The following ZDHHC3 variants were observed in gnomAD, a reference collection of about 807,000 sequenced individuals.
The protein encoded by ZDHHC3 is palmitoyltransferase ZDHHC3.
Under a neutral mutation model 30.6 loss-of-function variants are expected in ZDHHC3, and 9 were observed. That is an observed-to-expected ratio of 0.29 (90% CI 0.18 to 0.51). The LOEUF (loss-of-function observed/expected upper bound fraction) is 0.51. ZDHHC3 is among the 20% of genes least tolerant of loss of function. The probability of loss-of-function intolerance (pLI) is 0.97; values close to 1 mark genes in which losing one functional copy is unlikely to be tolerated. For missense variants in ZDHHC3, 246 were observed against 384.2 expected (o/e 0.64, Z 3.01); for synonymous variants, 136 against 140.2 (o/e 0.97, Z 0.21).
At chr3:44,963,689 G>C (rs1288401308) in intron 1 of ZDHHC3, among the ~76,000 whole-genome samples, 1 of 152,144 alleles carries the variant, frequency 6.6e-6, no homozygotes, top group Admixed American at 6.5e-5. Flanking sequence ...TTACTTCCAA[G>C]GAGCTGGGCA....
At position 44,933,881 on chromosome 3, in the gene ZDHHC3, G is replaced by T; in HGVS notation, c.528+7C>A. 1 of 1,613,948 alleles carries T rather than the reference G, an allele frequency of 6.2e-7. No individual in the cohort carries two copies. The highest frequency in any genetic ancestry group is 1.1e-5 in the South Asian group (1 of 91,068). On this transcript the variant is annotated splice_region_variant and intron_variant, in intron 4 of 6. Coordinates refer to ENST00000424952, the MANE Select transcript of ZDHHC3 (RefSeq NM_001135179.2). ...GGGGGCAGGGCAGAATTTGCAAGCT[G>T]ACTTACTGTAAACAGGACGAAGTAC...
At position 44,918,909 on chromosome 3, in the gene ZDHHC3, C is replaced by T. The variant is rs1700399910; in HGVS notation, c.*7780G>A. The T allele has an allele frequency of 5.1e-6, 5 of 985,620 alleles. No individual in the cohort carries two copies. In the African/African-American group the frequency reaches 7.0e-5, roughly 14 times the overall value. The allele number at this position is 985,620 out of a possible 1,614,324, so 61.1% of individuals were successfully genotyped here. The stretch of plus-strand genomic sequence containing the variant: ...GGCCAGCTCTCCAGGCCCACAACAC[C>T]CTGCACAGAGGCCTTTGACCCTCCA... On this transcript the variant is annotated 3_prime_UTR_variant, in exon 7 of 7. Transcript: ENST00000424952.
intron 2 of ZDHHC3, 176 bp from the exon 3 acceptor site, chr3:44,945,468 A>G (rs1267254963): frequency 4.3e-6 from 4 of 924,582 alleles, no homozygotes; most frequent in East Asian, 2.7e-5. Context: ...AGGAATATTT[A>G]TTGACCAAAA....
In ZDHHC3 at chr3:44,926,779, G is replaced by C. The variant is rs771474124; in HGVS notation, c.810C>G (p.Ala270=). ...AKKTKWMNMK[A]VFGHPFSLGW... ...CTAGAGAGAAGGGGTGGCCAAAAAC[G>C]GCTTTCATGTTCATCCATTTTGTTT... The change falls in exon 7 of 7, where the codon GCC becomes GCG. Residue 270 remains alanine, a synonymous_variant. Transcript: ENST00000424952. The C allele has an allele frequency of 1.2e-6, 2 of 1,613,778 alleles. No homozygotes were observed. Among genetic ancestry groups the C allele is most frequent in the East Asian group, 2.2e-5 (1 of 44,842 alleles).
Position 44,924,235 on chromosome 3 carries a change from A to C in ZDHHC3, c.*2454T>G. The stretch of plus-strand genomic sequence containing the variant: ...CATCCGGAAATACTGAGGAGAGCTC[A>C]GGGATGCTTTCCCTTCCTGTCCTGT... On this transcript the variant is annotated 3_prime_UTR_variant, in exon 7 of 7. Coordinates refer to ENST00000424952, the MANE Select transcript of ZDHHC3 (RefSeq NM_001135179.2). 1.0e-6 allele frequency: 1 copy of C among 985,486 alleles called. No homozygotes were observed. Among genetic ancestry groups the C allele is most frequent in the Non-Finnish European group, 1.2e-6 (1 of 829,938 alleles). 61.0% of individuals were successfully genotyped at this position (985,486 alleles called of 1,614,324 possible). A position where few individuals can be genotyped will look rare whatever the true frequency, so the allele number is the denominator to read the frequency against.
At chr3:44,962,650 T>C (rs1406112909) in intron 1 of ZDHHC3, among the ~76,000 whole-genome samples, 15 of 152,034 alleles carry the variant, frequency 9.9e-5, no homozygotes, top group Admixed American at 9.2e-4. Context: ...CCTACTGGAG[T>C]GTGTTAGGTA....
At chr3:44,957,869 G>C (rs567189198) in intron 2 of ZDHHC3, among the ~76,000 whole-genome samples, 1 of 152,300 alleles carries the variant, frequency 6.6e-6, no homozygotes, top group Non-Finnish European at 1.5e-5. Context: ...GGGCTTAGTA[G>C]ACAGTAAACT....
Position 44,917,257 on chromosome 3 carries a change from T to C in ZDHHC3, c.*9432A>G. 1 of 153,272 alleles carries C rather than the reference T, an allele frequency of 6.5e-6. No individual in the cohort carries two copies. The highest frequency in any genetic ancestry group is 2.0e-4 in the South Asian group (1 of 4,906). 9.5% of individuals were successfully genotyped at this position (153,272 alleles called of 1,614,324 possible). A position where few individuals can be genotyped will look rare whatever the true frequency, so the allele number is the denominator to read the frequency against. On this transcript the variant is annotated 3_prime_UTR_variant, in exon 7 of 7. Coordinates refer to ENST00000424952, the MANE Select transcript of ZDHHC3 (RefSeq NM_001135179.2). ...GTCCTGCACATGTGTGTGTAGAGCT[T>C]AATGCAGGGTCCTCTTTGAACCATG...
rs79041492 is a variant in ZDHHC3 at position 44,926,636 on chromosome 3, G to A, written c.*53C>T. On this transcript the variant is annotated 3_prime_UTR_variant, in exon 7 of 7. Coordinates refer to ENST00000424952, the MANE Select transcript of ZDHHC3 (RefSeq NM_001135179.2). The stretch of plus-strand genomic sequence containing the variant: ...AAACATTCATGAGAACGGATGGGAC[G>A]GTAGTGCTGTGGTGTGGACTTGTGT... The A allele has an allele frequency of 1.7e-3, 2,565 of 1,486,836 alleles. 33 individuals are homozygous for A. The African/African-American group carries it at 0.03, about 17-fold the overall frequency. The allele number at this position is 1,486,836 out of a possible 1,614,324, so 92.1% of individuals were successfully genotyped here. A position where few individuals can be genotyped will look rare whatever the true frequency, so the allele number is the denominator to read the frequency against.
chr3:44,922,880 C>T lies in ZDHHC3; in HGVS notation c.*3809G>A, dbSNP rs905506282. The T allele has an allele frequency of 1.0e-6, 1 of 985,238 alleles. No individual in the cohort carries two copies. The allele number at this position is 985,238 out of a possible 1,614,324, so 61.0% of individuals were successfully genotyped here. Reference sequence around the variant, plus strand: ...TTCTAGCAAAATCTTTCTCTTTTCACATTTCTTTGATATCTAAGGGCACCT... The same window carrying T: ...TTCTAGCAAAATCTTTCTCTTTTCATATTTCTTTGATATCTAAGGGCACCT... On this transcript the variant is annotated 3_prime_UTR_variant, in exon 7 of 7. Transcript: ENST00000424952.
Position 44,922,867 on chromosome 3 carries a change from CTT to C in ZDHHC3, c.*3820_*3821del. The stretch of plus-strand genomic sequence containing the variant: ...CCTTTGAGGAGGATTCTAGCAAAAT[CTT>C]TCTCTTTTCACATTTCTTTGATATC... On this transcript the variant is annotated 3_prime_UTR_variant, in exon 7 of 7. Coordinates refer to ENST00000424952, the MANE Select transcript of ZDHHC3 (RefSeq NM_001135179.2). 1 of 985,292 alleles carries C rather than the reference CTT, an allele frequency of 1.0e-6. No individual in the cohort carries two copies. The highest frequency in any genetic ancestry group is 1.7e-5 in the African/African-American group (1 of 57,324). 61.0% of individuals were successfully genotyped at this position (985,292 alleles called of 1,614,324 possible). A position where few individuals can be genotyped will look rare whatever the true frequency, so the allele number is the denominator to read the frequency against.
chr3:44,965,942 A>G (rs981400576), intron 1 of ZDHHC3, among the ~76,000 whole-genome samples: 6 of 152,230 alleles, frequency 3.9e-5, no homozygotes, highest in Admixed American at 3.9e-4. Flanking sequence ...TCACATCCAC[A>G]TGAACATTCA....
chr3:44,935,167 A>C (rs779414476), intron 3 of ZDHHC3, among the ~76,000 whole-genome samples: 9 of 152,224 alleles, frequency 5.9e-5, no homozygotes, highest in Non-Finnish European at 1.2e-4. Context: ...AAAACTTTTT[A>C]ATCTGAGGAA....
chr3:44,971,536 A>G (rs1312009518), intron 1 of ZDHHC3, among the ~76,000 whole-genome samples: 1 of 152,198 alleles, frequency 6.6e-6, no homozygotes, highest in Non-Finnish European at 1.5e-5. Flanking sequence ...TTTCCCCAAC[A>G]GGTCAACACT....
At chr3:44,946,959 TAAG>T (rs1022508452) in intron 2 of ZDHHC3, among the ~76,000 whole-genome samples, 2 of 152,150 alleles carry the variant, frequency 1.3e-5, no homozygotes, top group Non-Finnish European at 2.9e-5. Flanking sequence ...GTGGATCATA[TAAG>T]AAGAGGGAGA....
chr3:44,965,767 C>T (rs1368977651), intron 1 of ZDHHC3, among the ~76,000 whole-genome samples: 7 of 152,212 alleles, frequency 4.6e-5, no homozygotes, highest in African/African-American at 9.6e-5. Flanking sequence ...CAAGGACCCC[C>T]ATCCTCTCAG....
intron 1 of ZDHHC3, among the ~76,000 whole-genome samples, chr3:44,975,054 ATT>A (rs75953495): frequency 0.015 from 2,165 of 144,452 alleles, 48 homozygotes; most frequent in African/African-American, 0.046. Flanking sequence ...GATAAATACC[ATT>A]TTTTTTTTTT....
At chr3:44,941,118 G>C (rs1299967657) in intron 3 of ZDHHC3, among the ~76,000 whole-genome samples, 1 of 152,114 alleles carries the variant, frequency 6.6e-6, no homozygotes, top group Non-Finnish European at 1.5e-5. Context: ...GGAAAGAGCA[G>C]GCCTGGAAAA....
At position 44,922,635 on chromosome 3, in the gene ZDHHC3, A is replaced by G. The variant is rs1022633123; in HGVS notation, c.*4054T>C. ...CCCATATCACCAGCAGGCATCAGGG[A>G]CCACCTGAGGGGGGACTCCTGCTAG... On this transcript the variant is annotated 3_prime_UTR_variant, in exon 7 of 7. Coordinates refer to ENST00000424952, the MANE Select transcript of ZDHHC3 (RefSeq NM_001135179.2). 2 of 985,108 alleles carry G rather than the reference A, an allele frequency of 2.0e-6. No homozygotes were observed. Among genetic ancestry groups the G allele is most frequent in the East Asian group, 2.3e-4 (2 of 8,806 alleles). 61.0% of individuals were successfully genotyped at this position (985,108 alleles called of 1,614,324 possible). A position where few individuals can be genotyped will look rare whatever the true frequency, so the allele number is the denominator to read the frequency against.
Sources: gnomAD v4.1 joint callset for allele counts (sites outside exome capture counted in the v4.1 genomes callset) on GRCh38, gnomAD v4.1.1 for gene constraint, MANE v1.5 for transcripts, NCBI Gene and HGNC (gene_info 2026-07-23, HGNC 2026-07-21) for gene names.